Variants in ZBTB5 observed in about 807,000 individuals in gnomAD.
ZBTB5 encodes the protein zinc finger and BTB domain containing 5.
Under a neutral mutation model 37.9 loss-of-function variants are expected in ZBTB5, and 15 were observed. That is an observed-to-expected ratio of 0.40 (90% CI 0.26 to 0.61). The LOEUF is 0.61. ZBTB5 is among the 20% of genes least tolerant of loss of function. The pLI is 0.47. For missense variants in ZBTB5, 708 were observed against 856.8 expected (o/e 0.83, Z 2.17); for synonymous variants, 315 against 312.4 (o/e 1.01, Z -0.09).
chr9:37,447,612 C>G (rs1824012733), intron 1 of ZBTB5, among the ~76,000 whole-genome samples: 1 of 152,116 alleles, frequency 6.6e-6, no homozygotes. Context: ...ACAGTAATTA[C>G]TGAGAGCCTG....
At chr9:37,462,692 T>G (rs549161162) in intron 1 of ZBTB5, among the ~76,000 whole-genome samples, 1 of 151,874 alleles carries the variant, frequency 6.6e-6, no homozygotes, top group South Asian at 2.1e-4. Flanking sequence ...GCCTCCTGAG[T>G]AGCTGGGATT....
chr9:37,457,436 C>T (rs1824209359), intron 1 of ZBTB5, among the ~76,000 whole-genome samples: 1 of 152,176 alleles, frequency 6.6e-6, no homozygotes, highest in African/African-American at 2.4e-5. Flanking sequence ...CACTATGTTG[C>T]TCTGGCTGGT....
chr9:37,440,607 T>C lies in ZBTB5; in HGVS notation c.1945A>G (p.Arg649Gly). 6.2e-7 allele frequency: 1 copy of C among 1,614,238 alleles called. No homozygotes were observed. The highest frequency in any genetic ancestry group is 1.3e-5 in the African/African-American group (1 of 75,062). Residue 649 changes from arginine to glycine, a missense_variant, in exon 2 of 2, where the codon AGG becomes GGG. Physicochemically the swap from Arg to Gly is moderately radical, Grantham distance 125. This residue lies in a region of ZBTB5 where 42 missense variants were observed against 107.9 expected (regional missense o/e 0.39). Coordinates refer to ENST00000307750, the MANE Select transcript of ZBTB5 (RefSeq NM_014872.3). ...TACAGGTGGCTGGACTGACTAAACC[T>C]CTTGCCACACTTCAGGCAGGCGTAA... ...KPYACLKCGK[R>G]FSQSSHLYKH... is the part of the protein sequence containing the mutation.
intron 1 of ZBTB5, among the ~76,000 whole-genome samples, chr9:37,456,217 CT>C (rs1222856997): frequency 6.6e-6 from 1 of 152,168 alleles, no homozygotes; most frequent in African/African-American, 2.4e-5. Context: ...TCCCAAAGTG[CT>C]GGGATTACAG....
intron 1 of ZBTB5, among the ~76,000 whole-genome samples, chr9:37,445,060 A>G (rs564605470): frequency 1.3e-5 from 2 of 152,196 alleles, no homozygotes; most frequent in East Asian, 1.9e-4. Context: ...TAAAAAAAAC[A>G]AGAAGTTTTT....
intron 1 of ZBTB5, among the ~76,000 whole-genome samples, chr9:37,455,719 C>CT (rs1824174944): frequency 1.3e-5 from 2 of 152,212 alleles, no homozygotes; most frequent in South Asian, 4.1e-4. Flanking sequence ...TCAGAGAACT[C>CT]TCCCATTTCA....
chr9:37,451,555 C>CAAAAAAAAAAAAAAAAAAAA (rs67502719), intron 1 of ZBTB5, among the ~76,000 whole-genome samples: 9 of 72,744 alleles, frequency 1.2e-4, no homozygotes, highest in African/African-American at 3.2e-4. Flanking sequence ...GAGACTATCT[C>CAAAAAAAAAAAAAAAAAAAA]AAAAAAAAAA....
At chr9:37,449,140 C>G (rs892994898) in intron 1 of ZBTB5, among the ~76,000 whole-genome samples, 1 of 152,018 alleles carries the variant, frequency 6.6e-6, no homozygotes, top group African/African-American at 2.4e-5. Flanking sequence ...AAACTAGCAC[C>G]TTGGGAGGCC....
At position 37,441,582 on chromosome 9, in the gene ZBTB5, G is replaced by A; in HGVS notation, c.970C>T (p.His324Tyr). The A allele has an allele frequency of 6.2e-7, 1 of 1,612,782 alleles. No individual in the cohort carries two copies. The highest frequency in any genetic ancestry group is 1.1e-5 in the South Asian group (1 of 91,034). The change falls in exon 2 of 2, where the codon CAC (histidine) becomes TAC (tyrosine). Residue 324 changes from histidine to tyrosine, a missense_variant. Physicochemically the swap from His to Tyr is moderately conservative, Grantham distance 83. Coordinates refer to ENST00000307750, the MANE Select transcript of ZBTB5 (RefSeq NM_014872.3). ...NPEVGLGEKE[H>Y]MRVVVKSEPL... is the part of the protein sequence containing the mutation. ...TCAGATTTAACCACCACTCTCATGT[G>A]CTCCTTCTCACCAAGGCCAACCTCA...
At chr9:37,445,354 T>C (rs999197848) in intron 1 of ZBTB5, among the ~76,000 whole-genome samples, 4 of 152,154 alleles carry the variant, frequency 2.6e-5, no homozygotes, top group South Asian at 2.1e-4. Context: ...TTTAGAAGTA[T>C]AGAAGTTAAC....
intron 1 of ZBTB5, among the ~76,000 whole-genome samples, 169 bp from the exon 2 acceptor site, chr9:37,442,724 A>G (rs1823908778): frequency 6.6e-6 from 1 of 152,186 alleles, no homozygotes; most frequent in Non-Finnish European, 1.5e-5. Flanking sequence ...TAAGAAGCAA[A>G]TGGCAATTCA....
intron 1 of ZBTB5, among the ~76,000 whole-genome samples, chr9:37,446,415 T>G (rs1191764040): frequency 2.0e-5 from 3 of 152,252 alleles, no homozygotes; most frequent in African/African-American, 7.2e-5. Flanking sequence ...GAGACTATTA[T>G]GCTATTCAGC....
intron 1 of ZBTB5, among the ~76,000 whole-genome samples, chr9:37,450,274 C>T (rs75371563): frequency 1.2e-3 from 175 of 152,074 alleles, no homozygotes; most frequent in African/African-American, 4.1e-3. Flanking sequence ...CCCGAGACAA[C>T]GAACCCCAGG....
chr9:37,445,059 C>A (rs919984310), intron 1 of ZBTB5, among the ~76,000 whole-genome samples: 5 of 145,544 alleles, frequency 3.4e-5, no homozygotes, highest in Non-Finnish European at 7.6e-5. Flanking sequence ...TTAAAAAAAA[C>A]AAGAAGTTTT....
chr9:37,457,666 C>G (rs1824216361), intron 1 of ZBTB5, among the ~76,000 whole-genome samples: 1 of 152,238 alleles, frequency 6.6e-6, no homozygotes, highest in Non-Finnish European at 1.5e-5. Flanking sequence ...AAGTGGAAGG[C>G]ACTAAGTGCC....
At chr9:37,463,238 G>A (rs1243048303) in intron 1 of ZBTB5, among the ~76,000 whole-genome samples, 2 of 152,176 alleles carry the variant, frequency 1.3e-5, no homozygotes, top group East Asian at 3.8e-4. Flanking sequence ...GAGATGAGAA[G>A]TTCACTTCAT....
chr9:37,464,954 G>A (rs1414515951), intron 1 of ZBTB5, among the ~76,000 whole-genome samples: 1 of 152,188 alleles, frequency 6.6e-6, no homozygotes, highest in African/African-American at 2.4e-5. Flanking sequence ...GTCGCCAGCC[G>A]GGGATCCACA....
At chr9:37,463,549 A>C (rs947154205) in intron 1 of ZBTB5, among the ~76,000 whole-genome samples, 4 of 152,240 alleles carry the variant, frequency 2.6e-5, no homozygotes, top group African/African-American at 9.6e-5. Context: ...TGAACACAAG[A>C]TATTTTAAAG....
intron 1 of ZBTB5, among the ~76,000 whole-genome samples, chr9:37,451,574 A>G (rs943541114): frequency 1.3e-5 from 2 of 151,846 alleles, no homozygotes; most frequent in African/African-American, 4.8e-5. Context: ...AAAAAAAAAA[A>G]AAAGACAGAC....
Sources: gnomAD v4.1 joint callset for allele counts (sites outside exome capture counted in the v4.1 genomes callset) on GRCh38, gnomAD v4.1.1 for gene constraint, gnomAD v4.1.1 regional missense constraint, MANE v1.5 for transcripts, NCBI Gene and HGNC (gene_info 2026-07-23, HGNC 2026-07-21) for gene names.